Variants in DYNC1I1 observed in about 807,000 individuals in gnomAD.
DYNC1I1 encodes dynein cytoplasmic 1 intermediate chain 1.
Under a neutral mutation model 86.6 loss-of-function variants are expected in DYNC1I1, and 43 were observed. The ratio of observed to expected loss-of-function variants is 0.50; its 90% CI spans 0.39 to 0.64. The LOEUF (loss-of-function observed/expected upper bound fraction) is 0.64, where lower values mean the gene tolerates loss of function less well. DYNC1I1 is among the 30% of genes least tolerant of loss of function. The pLI is 0.00. For synonymous variants in DYNC1I1, 262 were observed against 283.7 expected, an observed-to-expected ratio of 0.92 and a Z score of 0.77; for missense variants, 604 against 788.8, an observed-to-expected ratio of 0.77 and a Z score of 2.81.
chr7:95,899,874 A>G (rs1471594147), intron 6 of DYNC1I1, among the ~76,000 whole-genome samples: 1 of 152,292 alleles, frequency 6.6e-6, no homozygotes, highest in Admixed American at 6.5e-5. Context: ...TCTGACTTCT[A>G]TTCTACCTCT....
At chr7:95,830,177 C>T (rs564240023) in intron 5 of DYNC1I1, among the ~76,000 whole-genome samples, 5 of 152,190 alleles carry the variant, frequency 3.3e-5, no homozygotes, top group Non-Finnish European at 5.9e-5. Context: ...CCATAGCTTC[C>T]TTTGTCACTT....
intron 9 of DYNC1I1, among the ~76,000 whole-genome samples, chr7:95,988,427 G>A (rs1391098608): frequency 6.6e-6 from 1 of 152,178 alleles, no homozygotes; most frequent in African/African-American, 2.4e-5. Context: ...CCGTAGAAAA[G>A]AAGTCTAAGC....
chr7:95,790,413 T>TC (rs1794265329), intron 1 of DYNC1I1, among the ~76,000 whole-genome samples: 1 of 152,076 alleles, frequency 6.6e-6, no homozygotes, highest in East Asian at 1.9e-4. Flanking sequence ...TGTCCATGCT[T>TC]CCCCCTCTGC....
Position 96,029,632 on chromosome 7 carries a change from T to C in DYNC1I1, c.1116+1311T>C, listed in dbSNP as rs944328488. ...ATGTTATTTCTGTTAGAAAATAAAATAGGCCAGGCATGGTGGCTCACACCT... is the reference window on the plus strand; with the variant it reads ...ATGTTATTTCTGTTAGAAAATAAAACAGGCCAGGCATGGTGGCTCACACCT... On this transcript the variant is annotated intron_variant, in intron 11 of 16. Transcript: ENST00000447467. Among the ~76,000 whole-genome samples, 7 of 152,240 alleles carry C rather than the reference T, an allele frequency of 4.6e-5. No individual in the cohort carries two copies. The East Asian group carries it at 1.2e-3, about 25-fold the overall frequency.
At chr7:96,022,412 G>T (rs1794574727) in intron 10 of DYNC1I1, among the ~76,000 whole-genome samples, 1 of 152,030 alleles carries the variant, frequency 6.6e-6, no homozygotes, top group Non-Finnish European at 1.5e-5. Context: ...TATAAAGAGT[G>T]TCAAGAAGGA....
chr7:95,991,540 A>G (rs1201312926), intron 9 of DYNC1I1, among the ~76,000 whole-genome samples: 1 of 152,202 alleles, frequency 6.6e-6, no homozygotes, highest in Non-Finnish European at 1.5e-5. Context: ...GCCAGCTCCC[A>G]GGTCCTGTGT....
intron 6 of DYNC1I1, among the ~76,000 whole-genome samples, chr7:95,900,065 A>G (rs1381032478): frequency 6.6e-6 from 1 of 152,134 alleles, no homozygotes; most frequent in Non-Finnish European, 1.5e-5. Flanking sequence ...AAGGGTCTGC[A>G]TGTGTATTTC....
At chr7:96,032,991 T>G (rs1794848151) in intron 12 of DYNC1I1, among the ~76,000 whole-genome samples, 1 of 152,226 alleles carries the variant, frequency 6.6e-6, no homozygotes, top group Non-Finnish European at 1.5e-5. Context: ...TGTAATACAT[T>G]AATCCTTAGG....
At chr7:95,782,096 A>T (rs1040942587) in intron 1 of DYNC1I1, among the ~76,000 whole-genome samples, 2 of 152,174 alleles carry the variant, frequency 1.3e-5, no homozygotes, top group Non-Finnish European at 2.9e-5. Flanking sequence ...TCCTCTTGAT[A>T]TATACTTTTA....
At chr7:95,909,748 T>A (rs1387318825) in intron 6 of DYNC1I1, among the ~76,000 whole-genome samples, 1 of 152,226 alleles carries the variant, frequency 6.6e-6, no homozygotes, top group African/African-American at 2.4e-5. Flanking sequence ...TAAGCCACTT[T>A]GGTGTGACAA....
intron 6 of DYNC1I1, among the ~76,000 whole-genome samples, chr7:95,944,374 A>G (rs1236444693): frequency 6.6e-6 from 1 of 152,218 alleles, no homozygotes; most frequent in Non-Finnish European, 1.5e-5. Flanking sequence ...TCAGGAAACA[A>G]CAGGTGCTGG....
At chr7:95,941,588 G>T (rs1361776268) in intron 6 of DYNC1I1, among the ~76,000 whole-genome samples, 2 of 152,326 alleles carry the variant, frequency 1.3e-5, no homozygotes, top group East Asian at 3.9e-4. Context: ...GATTCCATGG[G>T]CATAGGACCC....
chr7:95,803,501 T>C (rs1287339629), intron 1 of DYNC1I1, among the ~76,000 whole-genome samples: 2 of 152,238 alleles, frequency 1.3e-5, no homozygotes, highest in African/African-American at 4.8e-5. Flanking sequence ...GAAATGTGTA[T>C]AGTAGAAAAA....
In DYNC1I1 at chr7:95,775,696, GA is replaced by G. The variant is rs555017382; in HGVS notation, c.-10+2926del. Among the ~76,000 whole-genome samples the G allele has an allele frequency of 9.8e-5, 15 of 152,300 alleles. No homozygotes were observed. The South Asian group carries it at 3.1e-3, about 32-fold the overall frequency. ...ATGGCATTGTTTTTGTCTCCTTAAT[GA>G]AAGTAGCTGTTATACTTTGTGGATC... On this transcript the variant is annotated intron_variant, in intron 1 of 16. Coordinates refer to ENST00000447467, the MANE Select transcript of DYNC1I1 (RefSeq NM_001135556.2).
intron 6 of DYNC1I1, among the ~76,000 whole-genome samples, chr7:95,892,063 GT>G (rs1211526716): frequency 6.6e-6 from 1 of 152,062 alleles, no homozygotes; most frequent in African/African-American, 2.4e-5. Context: ...TGCCTCCCAG[GT>G]TTAAGTGATT....
At position 96,097,326 on chromosome 7, in the gene DYNC1I1, C is replaced by G. The variant is rs1791044502; in HGVS notation, c.1777-157C>G. ...TAGTTTAAGAGCAACACCTCAGGCCCTGCTTGATCCAAAGAAGAATGTTTG... is the reference window on the plus strand; with the variant it reads ...TAGTTTAAGAGCAACACCTCAGGCCGTGCTTGATCCAAAGAAGAATGTTTG... On this transcript the variant is annotated intron_variant, in intron 16 of 16. Transcript: ENST00000447467. Among the ~76,000 whole-genome samples the G allele has an allele frequency of 6.6e-5, 10 of 151,654 alleles. No homozygotes were observed. The South Asian group carries it at 2.1e-3, about 32-fold the overall frequency.
chr7:95,826,642 A>G (rs1562909438), intron 4 of DYNC1I1, among the ~76,000 whole-genome samples: 1 of 152,224 alleles, frequency 6.6e-6, no homozygotes, highest in Non-Finnish European at 1.5e-5. Flanking sequence ...AAGCTGATAT[A>G]CAAGAAAATC....
intron 14 of DYNC1I1, among the ~76,000 whole-genome samples, chr7:96,059,577 A>G (rs530923866): frequency 1.3e-5 from 2 of 152,322 alleles, no homozygotes; most frequent in East Asian, 1.9e-4. Context: ...CTGATTTCAT[A>G]TAATAAATAT....
chr7:96,006,938 TG>T (rs1366969241), intron 10 of DYNC1I1, among the ~76,000 whole-genome samples: 1 of 152,182 alleles, frequency 6.6e-6, no homozygotes, highest in Non-Finnish European at 1.5e-5. Context: ...GATACTACTG[TG>T]ATTCAATCAT....
Sources: allele counts gnomAD v4.1 joint callset (sites outside exome capture counted in the v4.1 genomes callset), GRCh38; gene constraint gnomAD v4.1.1; transcripts MANE v1.5; gene names NCBI Gene and HGNC (gene_info 2026-07-23, HGNC 2026-07-21).